Variants in PLAC8 observed in about 807,000 individuals in gnomAD.
PLAC8 encodes placenta associated 8.
A neutral mutation model predicts 12.6 loss-of-function variants in PLAC8; 6 were observed. The ratio of observed to expected loss-of-function variants is 0.48; its 90% CI spans 0.26 to 0.94. The LOEUF is 0.94. Ranked by LOEUF, PLAC8 falls within the 40% of genes least tolerant of loss-of-function variation. The probability of loss-of-function intolerance (pLI) is 0.14; values close to 1 mark genes in which losing one functional copy is unlikely to be tolerated. For missense variants in PLAC8, 122 were observed against 152.7 expected (o/e 0.80, Z 1.06); for synonymous variants, 54 against 52.6 (o/e 1.03, Z -0.11).
At chr4:83,101,423 G>T (rs1029853254) in intron 3 of PLAC8, among the ~76,000 whole-genome samples, 4 of 152,136 alleles carry the variant, frequency 2.6e-5, no homozygotes, top group Non-Finnish European at 5.9e-5. Context: ...AGCTGCAAAA[G>T]AAAAGTCTGA....
intron 3 of PLAC8, among the ~76,000 whole-genome samples, chr4:83,097,230 GGT>G (rs144248789): frequency 1.3e-5 from 2 of 150,472 alleles, no homozygotes; most frequent in Admixed American, 6.6e-5. Context: ...TTACATGTGG[GGT>G]GTGTGTGTGT....
At chr4:83,106,351 C>T (rs566741412) in intron 2 of PLAC8, among the ~76,000 whole-genome samples, 26 of 152,060 alleles carry the variant, frequency 1.7e-4, no homozygotes, top group Middle Eastern at 3.4e-3. Context: ...GGTATGGTGG[C>T]TTATGCCTGT....
At chr4:83,093,081 G>A (rs1731846063) in intron 4 of PLAC8, 1 of 152,194 alleles carries the variant, frequency 6.6e-6, no homozygotes, top group South Asian at 2.1e-4. Flanking sequence ...ACAGGTGTGA[G>A]CCACTGCACT....
intron 2 of PLAC8, among the ~76,000 whole-genome samples, chr4:83,106,328 C>T (rs115623761): frequency 0.036 from 5,483 of 151,784 alleles, 128 homozygotes; most frequent in Non-Finnish European, 0.05. Flanking sequence ...ATTCAAAGTT[C>T]AATTTCAGGC....
At chr4:83,107,214 A>C (rs1179487132) in intron 2 of PLAC8, among the ~76,000 whole-genome samples, 31 of 124,452 alleles carry the variant, frequency 2.5e-4, no homozygotes, top group African/African-American at 6.8e-4. Flanking sequence ...AACAAACAAA[A>C]AAAAAAAACA....
intron 3 of PLAC8, among the ~76,000 whole-genome samples, chr4:83,100,527 AC>A (rs1461247327): frequency 1.1e-4 from 8 of 70,364 alleles, no homozygotes; most frequent in Non-Finnish European, 1.8e-4. Context: ...TTTATAAGTT[AC>A]CCAGCCTCAG....
Position 83,090,243 on chromosome 4 carries a change from C to T in PLAC8, c.*738G>A, listed in dbSNP as rs1384020777. ...CTGGGCAACATAGAAAGACCCCCAA[C>T]TCTAGGCTGGACGCGGTGGCTCATG... On this transcript the variant is annotated 3_prime_UTR_variant, in exon 5 of 5. Transcript: ENST00000311507. The T allele has an allele frequency of 3.3e-5, 5 of 151,768 alleles. No homozygotes were observed. The highest frequency in any genetic ancestry group is 7.4e-5 in the Non-Finnish European group (5 of 67,988). The allele number at this position is 151,768 out of a possible 1,614,324, so 9.4% of individuals were successfully genotyped here. A position where few individuals can be genotyped will look rare whatever the true frequency, so the allele number is the denominator to read the frequency against.
rs1376050759 is a variant in PLAC8, at chr4:83,090,565, CT to C, written c.*415del. The stretch of plus-strand genomic sequence containing the variant: ...AAAAAAAGAAAGAAAGATCCCCCAA[CT>C]CTATTAAAAAAAAAAAAAAAGAAAA... On this transcript the variant is annotated 3_prime_UTR_variant, in exon 5 of 5. Coordinates refer to ENST00000311507, the MANE Select transcript of PLAC8 (RefSeq NM_016619.3). 6.7e-5 allele frequency: 8 copies of C among 118,962 alleles called. No individual in the cohort carries two copies. Among genetic ancestry groups the C allele is most frequent in the Non-Finnish European group, 1.4e-4 (8 of 57,198 alleles). The allele number at this position is 118,962 out of a possible 1,614,324, so 7.4% of individuals were successfully genotyped here.
chr4:83,110,948 G>A (rs146517339), intron 1 of PLAC8, among the ~76,000 whole-genome samples: 75 of 152,336 alleles, frequency 4.9e-4, no homozygotes, highest in African/African-American at 1.6e-3. Context: ...ATCCCTAGGT[G>A]ATTGGCTGAT....
intron 1 of PLAC8, among the ~76,000 whole-genome samples, chr4:83,111,679 GT>G (rs886353782): frequency 1.3e-5 from 2 of 152,080 alleles, no homozygotes; most frequent in Non-Finnish European, 2.9e-5. Flanking sequence ...CCTATATTCT[GT>G]TTTTTAATAT....
At chr4:83,099,103 G>T (rs1049413401) in intron 3 of PLAC8, among the ~76,000 whole-genome samples, 8 of 152,058 alleles carry the variant, frequency 5.3e-5, no homozygotes, top group Non-Finnish European at 1.2e-4. Context: ...TTAAATGACT[G>T]TGTGCCACAG....
chr4:83,091,746 T>C (rs575807527), intron 4 of PLAC8, among the ~76,000 whole-genome samples: 1 of 152,324 alleles, frequency 6.6e-6, no homozygotes, highest in African/African-American at 2.4e-5. Context: ...GAGTTCCATA[T>C]GGGAGATGTG....
At chr4:83,108,714 G>A (rs572130420) in intron 1 of PLAC8, among the ~76,000 whole-genome samples, 20 of 152,270 alleles carry the variant, frequency 1.3e-4, no homozygotes, top group Admixed American at 2.0e-4. Context: ...ACAGGTACCT[G>A]GTATTCACAC....
chr4:83,114,520 T>C (rs1249157059), intron 1 of PLAC8, 146 bp downstream of exon 1: 2 of 152,128 alleles, frequency 1.3e-5, no homozygotes, highest in Non-Finnish European at 2.9e-5. Context: ...TTAAAGCAAT[T>C]AGATAAGAAA....
At chr4:83,096,984 G>T (rs769671770) in intron 3 of PLAC8, among the ~76,000 whole-genome samples, 1 of 152,140 alleles carries the variant, frequency 6.6e-6, no homozygotes, top group African/African-American at 2.4e-5. Flanking sequence ...GCACTGCACC[G>T]TCTTCTCCCG....
In PLAC8 at chr4:83,090,197, G is replaced by C. The variant is rs1034834604; in HGVS notation, c.*784C>G. The C allele has an allele frequency of 2.0e-5, 3 of 151,994 alleles. No individual in the cohort carries two copies. Among genetic ancestry groups the C allele is most frequent in the Non-Finnish European group, 4.4e-5 (3 of 68,044 alleles). 9.4% of individuals were successfully genotyped at this position (151,994 alleles called of 1,614,324 possible). On this transcript the variant is annotated 3_prime_UTR_variant, in exon 5 of 5. Coordinates refer to ENST00000311507, the MANE Select transcript of PLAC8 (RefSeq NM_016619.3). ...AGGCTGAGATGAGAGGCTTGCTAGA[G>C]GCCCGGAGTTCAAGACCAGCCTGGG...
rs1287583575 is a variant in PLAC8, at chr4:83,107,857, TG to T, written c.64del (p.Gln22ArgfsTer37). The T allele has an allele frequency of 1.2e-6, 2 of 1,608,452 alleles. No individual in the cohort carries two copies. Among genetic ancestry groups the T allele is most frequent in the Admixed American group, 3.4e-5 (2 of 59,650 alleles). ...QPGVGPGPAPQNSNWQTGMCD... is the reference protein window; with the variant it reads ...QPGVGPGPAPXNSNWQTGMCD... The stretch of plus-strand genomic sequence containing the variant: ...CATGCCTGTCTGCCAGTTGGAGTTC[TG>T]GGGGGCCGGACCGGGACCGACTCCA... On this transcript the variant is annotated frameshift_variant, in exon 2 of 5. Transcript: ENST00000311507. LOFTEE classifies it high-confidence loss of function.
At chr4:83,092,093 C>T (rs1731819255) in intron 4 of PLAC8, among the ~76,000 whole-genome samples, 1 of 151,986 alleles carries the variant, frequency 6.6e-6, no homozygotes, top group African/African-American at 2.4e-5. Flanking sequence ...AGTTTTATTG[C>T]CAGTGAGTGA....
At chr4:83,102,351 G>T (rs1047406869) in intron 3 of PLAC8, among the ~76,000 whole-genome samples, 1 of 151,952 alleles carries the variant, frequency 6.6e-6, no homozygotes, top group Admixed American at 6.6e-5. Flanking sequence ...TGGCCAACAT[G>T]GTAAAAACCC....
Sources: gnomAD v4.1 joint callset for allele counts (sites outside exome capture counted in the v4.1 genomes callset) on GRCh38, gnomAD v4.1.1 for gene constraint, MANE v1.5 for transcripts, NCBI Gene and HGNC (gene_info 2026-07-23, HGNC 2026-07-21) for gene names.